CDHR2: variants seen among roughly 807,000 people sequenced by gnomAD.
The protein encoded by CDHR2 is cadherin-related family member 2.
Under a neutral mutation model 138.6 loss-of-function variants are expected in CDHR2, and 104 were observed. The observed-to-expected ratio is 0.75, with a 90% CI of 0.64 to 0.88. The LOEUF (loss-of-function observed/expected upper bound fraction) is 0.88. Ranked by LOEUF, CDHR2 falls within the 40% of genes least tolerant of loss-of-function variation. The pLI is 0.00. For missense variants in CDHR2, 1,624 were observed against 1,727.6 expected, an observed-to-expected ratio of 0.94 and a Z score of 1.06; for synonymous variants, 755 against 742.8, an observed-to-expected ratio of 1.02 and a Z score of -0.27.
At chr5:176,550,625 C>T (rs754643443) in intron 1 of CDHR2, among the ~76,000 whole-genome samples, 60 of 152,248 alleles carry the variant, frequency 3.9e-4, no homozygotes, top group Non-Finnish European at 8.1e-4. Context: ...TTGGGAACAG[C>T]TGTGAGAAGT....
intron 3 of CDHR2, among the ~76,000 whole-genome samples, chr5:176,568,059 G>T (rs988824789): frequency 6.6e-6 from 1 of 152,274 alleles, no homozygotes; most frequent in East Asian, 1.9e-4. Flanking sequence ...TTCATGAAAA[G>T]AAGAAAGTCC....
chr5:176,567,231 C>T (rs901943622), intron 3 of CDHR2: 26 of 285,556 alleles, frequency 9.1e-5, no homozygotes, highest in South Asian at 2.9e-4. Flanking sequence ...TGTAGTGGTG[C>T]GATCATGCTC....
chr5:176,584,632 AC>A lies in CDHR2; in HGVS notation c.2356del (p.Gln786ArgfsTer6). 6.2e-7 allele frequency: 1 copy of A among 1,609,042 alleles called. No homozygotes were observed. The highest frequency in any genetic ancestry group is 8.5e-7 in the Non-Finnish European group (1 of 1,176,254). ...FNLTVSAENP[D>X]PQGGETIVDV... ...TTGACAGTGAGTGCTGAGAACCCAG[AC>A]CCCCAGGGGGGTGAGACCATAGTAG... On this transcript the variant is annotated frameshift_variant, in exon 19 of 32. Transcript: ENST00000261944. LOFTEE classifies it high-confidence loss of function.
Position 176,581,343 on chromosome 5 carries a change from GC to G in CDHR2, c.1822del (p.His608ThrfsTer56), listed in dbSNP as rs768570444. 12 of 1,612,600 alleles carry G rather than the reference GC, an allele frequency of 7.4e-6. No individual in the cohort carries two copies. The highest frequency in any genetic ancestry group is 9.3e-6 in the Non-Finnish European group (11 of 1,180,002). On this transcript the variant is annotated frameshift_variant and splice_region_variant, in exon 17 of 32. Coordinates refer to ENST00000261944, the MANE Select transcript of CDHR2 (RefSeq NM_017675.6). LOFTEE classifies it high-confidence loss of function. ...EEGNVSVTIQAHDNDEPGTNN... is the reference protein window; with the variant it reads ...EEGNVSVTIQXHDNDEPGTNN... ...GACCAACCCCTGCTTACGTGCACAG[GC>G]CCACGACAATGATGAGCCGGGCACC...
chr5:176,575,636 C>T lies in CDHR2; in HGVS notation c.844+55C>T, dbSNP rs573333919. 1,960 of 1,601,350 alleles carry T rather than the reference C, an allele frequency of 1.2e-3. 23 individuals are homozygous for T. The South Asian group carries it at 0.015, about 12-fold the overall frequency. ...TGGGCCGGGGCCAGGGTGGGGTCTCCGTCAGAGTCCCTGGAGGCAATGGGC... is the reference window on the plus strand; with the variant it reads ...TGGGCCGGGGCCAGGGTGGGGTCTCTGTCAGAGTCCCTGGAGGCAATGGGC... On this transcript the variant is annotated intron_variant, in intron 10 of 31. Transcript: ENST00000261944.
rs1296306433 is a variant in CDHR2, at chr5:176,589,049, G to A, written c.2875G>A (p.Gly959Arg). 1 of 1,614,066 alleles carries A rather than the reference G, an allele frequency of 6.2e-7. No homozygotes were observed. The highest frequency in any genetic ancestry group is 1.1e-5 in the South Asian group (1 of 91,082). Residue 959 changes from glycine (G) to arginine (R), a missense_variant, in exon 22 of 32, where the codon GGG becomes AGG. Gly to Arg is a moderately radical substitution (Grantham distance 125). Coordinates refer to ENST00000261944, the MANE Select transcript of CDHR2 (RefSeq NM_017675.6). ...ASVRARDDDS[G>R]NNGVILFSIL... Reference sequence around the variant, plus strand: ...CTCCCAGGCCAGAGACGATGATTCAGGGAACAATGGCGTCATCCTGTTCTC... The same window carrying A: ...CTCCCAGGCCAGAGACGATGATTCAAGGAACAATGGCGTCATCCTGTTCTC...
Position 176,586,037 on chromosome 5 carries a change from C to T in CDHR2, c.2806+12C>T, listed in dbSNP as rs758570761. ...GAATAAGACTTTTGGTAAGCAGCAA[C>T]CCCATTCACACACCATACCCCTGCT... On this transcript the variant is annotated intron_variant, in intron 20 of 31. Transcript: ENST00000261944. 38 of 1,610,436 alleles carry T rather than the reference C, an allele frequency of 2.4e-5. No homozygotes were observed. Among genetic ancestry groups the T allele is most frequent in the South Asian group, 6.6e-5 (6 of 91,008 alleles).
Position 176,589,169 on chromosome 5 carries a change from G to A in CDHR2, c.2995G>A (p.Ala999Thr), listed in dbSNP as rs767725752. 16 of 1,613,982 alleles carry A rather than the reference G, an allele frequency of 9.9e-6. 1 individual carries two copies. The highest frequency in any genetic ancestry group is 6.7e-5 in the East Asian group (3 of 44,898). ...IFTSSEADVF[A>T]GSIQPVTSLD... is the part of the protein sequence containing the mutation. ...CACCTCCTCCGAGGCCGACGTGTTCGCTGGGAGCATTCAGTAACTGCGGGC... is the reference window on the plus strand; with the variant it reads ...CACCTCCTCCGAGGCCGACGTGTTCACTGGGAGCATTCAGTAACTGCGGGC... The change falls in exon 22 of 32, where the codon GCT (alanine) becomes ACT (threonine). Residue 999 changes from alanine (A) to threonine (T), a missense_variant. By Grantham distance (58) the Ala-to-Thr change is moderately conservative. Around this residue, in one of 3 missense-constraint regions of CDHR2, gnomAD observed 556 missense variants for 565.7 expected, o/e 0.98. Coordinates refer to ENST00000261944, the MANE Select transcript of CDHR2 (RefSeq NM_017675.6).
intron 1 of CDHR2, among the ~76,000 whole-genome samples, chr5:176,561,733 G>A (rs1343499338): frequency 1.3e-5 from 2 of 148,782 alleles, no homozygotes; most frequent in African/African-American, 2.5e-5. Flanking sequence ...TCCACCTCCC[G>A]GGTTCGAGCG....
At chr5:176,544,315 C>A (rs1733845971) in intron 1 of CDHR2, among the ~76,000 whole-genome samples, 1 of 151,338 alleles carries the variant, frequency 6.6e-6, no homozygotes, top group African/African-American at 2.4e-5. Context: ...TCCCCAATTT[C>A]TTTCTTTCTT....
At chr5:176,569,322 C>T (rs1581137517) in intron 5 of CDHR2, among the ~76,000 whole-genome samples, 2 of 140,868 alleles carry the variant, frequency 1.4e-5, no homozygotes, top group Admixed American at 7.5e-5. Flanking sequence ...CTCGCTCTGT[C>T]GCCCAGGCTG....
At chr5:176,560,437 T>C (rs1363878675) in intron 1 of CDHR2, among the ~76,000 whole-genome samples, 2 of 150,548 alleles carry the variant, frequency 1.3e-5, no homozygotes, top group African/African-American at 4.9e-5. Flanking sequence ...CAAAAAAGAA[T>C]GATTAATACA....
intron 1 of CDHR2, among the ~76,000 whole-genome samples, chr5:176,551,622 C>T (rs1289637132): frequency 6.6e-6 from 1 of 151,952 alleles, no homozygotes; most frequent in Non-Finnish European, 1.5e-5. Flanking sequence ...TCCCAAAGTG[C>T]TGGACTGTGT....
chr5:176,563,683 A>T (rs1371677554), intron 1 of CDHR2, among the ~76,000 whole-genome samples: 1 of 152,140 alleles, frequency 6.6e-6, no homozygotes, highest in Non-Finnish European at 1.5e-5. Flanking sequence ...CCTGTAAAAG[A>T]GAAGGGTATA....
At chr5:176,561,549 T>C (rs956741652) in intron 1 of CDHR2, among the ~76,000 whole-genome samples, 5 of 152,034 alleles carry the variant, frequency 3.3e-5, no homozygotes, top group Non-Finnish European at 5.9e-5. Flanking sequence ...TGCAGCATCC[T>C]GTGAGGTCAC....
chr5:176,571,160 T>C, intron 5 of CDHR2, 53 bp from the exon 6 acceptor site: 1 of 1,250,760 alleles, frequency 8.0e-7, no homozygotes, highest in Non-Finnish European at 1.2e-6. Flanking sequence ...TTGCAACTTT[T>C]CTGGTGTTTT....
intron 31 of CDHR2, among the ~76,000 whole-genome samples, chr5:176,592,988 G>A (rs1287869548): frequency 6.6e-6 from 1 of 152,170 alleles, no homozygotes; most frequent in Non-Finnish European, 1.5e-5. Flanking sequence ...TCTTGCCTCT[G>A]CTTCTCAGTT....
At chr5:176,562,663 A>T (rs1005811702) in intron 1 of CDHR2, among the ~76,000 whole-genome samples, 4 of 152,116 alleles carry the variant, frequency 2.6e-5, no homozygotes, top group African/African-American at 9.7e-5. Flanking sequence ...ATAAATCTAG[A>T]AAAAGAGAGG....
intron 1 of CDHR2, among the ~76,000 whole-genome samples, chr5:176,555,893 T>A (rs1757810369): frequency 8.2e-6 from 1 of 121,764 alleles, no homozygotes; most frequent in Admixed American, 9.3e-5. Context: ...AGAGTAAGAC[T>A]CCATCTCAAA....
Sources: allele counts gnomAD v4.1 joint callset (sites outside exome capture counted in the v4.1 genomes callset), GRCh38; gene constraint gnomAD v4.1.1; regional missense constraint gnomAD v4.1.1; transcripts MANE v1.5; gene names NCBI Gene and HGNC (gene_info 2026-07-23, HGNC 2026-07-21).